The following ATP2A3 variants were observed in gnomAD, a reference collection of about 807,000 sequenced individuals.
The protein encoded by ATP2A3 is ATPase sarcoplasmic/endoplasmic reticulum Ca2+ transporting 3, also known as sarcoplasmic/endoplasmic reticulum calcium ATPase 3.
A neutral mutation model predicts 106.8 loss-of-function variants in ATP2A3; 61 were observed. The observed-to-expected ratio is 0.57, with a 90% CI of 0.46 to 0.71. The LOEUF is 0.71. ATP2A3 is among the 30% of genes least tolerant of loss of function. The probability of loss-of-function intolerance (pLI) is 0.00; values close to 1 mark genes in which losing one functional copy is unlikely to be tolerated. For missense variants in ATP2A3, 1,201 were observed against 1,423.5 expected, an observed-to-expected ratio of 0.84 and a Z score of 2.52; for synonymous variants, 611 against 609.3, an observed-to-expected ratio of 1.00 and a Z score of -0.04.
In ATP2A3 at chr17:3,933,666, G is replaced by T. The variant is rs1165882350; in HGVS notation, c.2610+1526C>A. ...CAGGGGAATCACTTGAACCCGGGAG[G>T]TGGAGGTTGCAGTGAGCCAAGATTG... On this transcript the variant is annotated intron_variant, in intron 17 of 20. Coordinates refer to ENST00000397041, the MANE Select transcript of ATP2A3 (RefSeq NM_005173.4). Among the ~76,000 whole-genome samples the T allele has an allele frequency of 1.3e-5, 2 of 151,082 alleles. 1 individual carries two copies. The highest frequency in any genetic ancestry group is 4.9e-5 in the African/African-American group (2 of 40,660).
At position 3,964,422 on chromosome 17, in the gene ATP2A3, AC is replaced by A. The variant is rs2055328398; in HGVS notation, c.-132del. The A allele has an allele frequency of 3.0e-6, 1 of 331,176 alleles. No individual in the cohort carries two copies. Among genetic ancestry groups the A allele is most frequent in the Admixed American group, 6.0e-5 (1 of 16,614 alleles). 20.5% of individuals were successfully genotyped at this position (331,176 alleles called of 1,614,324 possible). ...GAGGCCATGTCCGTGCTGGGACCTT[AC>A]CCGACGGCAGTGGCGGCGGCGGCCC... On this transcript the variant is annotated 5_prime_UTR_variant, in exon 1 of 21. Transcript: ENST00000397041.
At chr17:3,931,772 T>C (rs975190831) in intron 17 of ATP2A3, among the ~76,000 whole-genome samples, 19 of 152,166 alleles carry the variant, frequency 1.2e-4, no homozygotes, top group Admixed American at 3.3e-4. Context: ...CCGCCCGCCT[T>C]GGCCTCCCAA....
chr17:3,924,891 T>G lies in ATP2A3; in HGVS notation c.*531A>C, dbSNP rs2052621396. 8 of 456,374 alleles carry G rather than the reference T, an allele frequency of 1.8e-5. No homozygotes were observed. Among genetic ancestry groups the G allele is most frequent in the Non-Finnish European group, 3.1e-5 (7 of 227,000 alleles). The allele number at this position is 456,374 out of a possible 1,614,324, so 28.3% of individuals were successfully genotyped here. On this transcript the variant is annotated 3_prime_UTR_variant, in exon 21 of 21. Transcript: ENST00000397041. The surrounding 1 kb of genome is among the most constrained non-coding windows in gnomAD (Gnocchi z 6.4). Reference sequence around the variant, plus strand: ...TGGAGGGGGCTGCCCACCCTCGCTGTACACAGCTGGGCCCAGATGGCCCCT... The same window carrying G: ...TGGAGGGGGCTGCCCACCCTCGCTGGACACAGCTGGGCCCAGATGGCCCCT...
Position 3,953,655 on chromosome 17 carries a change from G to C in ATP2A3, c.136+38C>G, listed in dbSNP as rs757862674. ...AGACAGAGAACGACCCAGGGATGCT[G>C]CCCGCGGCCTAGAGGTCCATCCCGG... On this transcript the variant is annotated intron_variant, in intron 2 of 20. Transcript: ENST00000397041. The surrounding 1 kb of genome is among the most constrained non-coding windows in gnomAD (Gnocchi z 5.1). 2.6e-6 allele frequency: 4 copies of C among 1,558,516 alleles called. No individual in the cohort carries two copies. The highest frequency in any genetic ancestry group is 3.5e-6 in the Non-Finnish European group (4 of 1,150,748).
Position 3,947,014 on chromosome 17 carries a change from G to A in ATP2A3, c.1095+377C>T, listed in dbSNP as rs2054152396. 1.3e-5 allele frequency among the ~76,000 whole-genome samples: 2 copies of A among 152,336 alleles called. No individual in the cohort carries two copies. Among genetic ancestry groups the A allele is most frequent in the East Asian group, 1.9e-4 (1 of 5,188 alleles). ...GTCGACTGCACAGAGTCATGATGGGGCAGGATGGAACCCGGATCCAGGCCC... is the reference window on the plus strand; with the variant it reads ...GTCGACTGCACAGAGTCATGATGGGACAGGATGGAACCCGGATCCAGGCCC... On this transcript the variant is annotated intron_variant, in intron 8 of 20. Transcript: ENST00000397041. The surrounding 1 kb of genome is among the most constrained non-coding windows in gnomAD (Gnocchi z 7.7).
At chr17:3,942,299 T>G (rs565483519) in intron 12 of ATP2A3, among the ~76,000 whole-genome samples, 4 of 152,192 alleles carry the variant, frequency 2.6e-5, no homozygotes, top group Non-Finnish European at 5.9e-5. Flanking sequence ...GGTTTAAACT[T>G]CCCTTGCAGG....
Position 3,953,305 on chromosome 17 carries a change from G to A in ATP2A3, c.219+42C>T. ...CTGCCCAGCCTGGCTCTCCCTCCAG[G>A]GCTACCGACTACCACAGGATGGCTG... On this transcript the variant is annotated intron_variant, in intron 3 of 20. Coordinates refer to ENST00000397041, the MANE Select transcript of ATP2A3 (RefSeq NM_005173.4). The surrounding 1 kb of genome is among the most constrained non-coding windows in gnomAD (Gnocchi z 5.1). 6.2e-7 allele frequency: 1 copy of A among 1,602,400 alleles called. No homozygotes were observed. Among genetic ancestry groups the A allele is most frequent in the Non-Finnish European group, 8.5e-7 (1 of 1,169,778 alleles).
At position 3,950,526 on chromosome 17, in the gene ATP2A3, C is replaced by CT. The variant is rs769432998; in HGVS notation, c.614dup (p.Asn206GlufsTer230). On this transcript the variant is annotated frameshift_variant, in exon 7 of 21. Transcript: ENST00000397041. LOFTEE classifies it high-confidence loss of function. ...TTTGACTTACAGAAAACAGCATGTT[C>CT]TTCTTGTCCTGGTTCACAGCTCTGG... 6.2e-7 allele frequency: 1 copy of CT among 1,614,132 alleles called. No individual in the cohort carries two copies. The highest frequency in any genetic ancestry group is 1.3e-5 in the African/African-American group (1 of 75,046).
chr17:3,936,586 C>T lies in ATP2A3; in HGVS notation c.2322-117G>A. 1 of 1,050,634 alleles carries T rather than the reference C, an allele frequency of 9.5e-7. No homozygotes were observed. Among genetic ancestry groups the T allele is most frequent in the Non-Finnish European group, 1.5e-6 (1 of 688,070 alleles). 65.1% of individuals were successfully genotyped at this position (1,050,634 alleles called of 1,614,324 possible). On this transcript the variant is annotated intron_variant, in intron 15 of 20. Transcript: ENST00000397041. The surrounding 1 kb of genome is among the most constrained non-coding windows in gnomAD (Gnocchi z 5.4). ...ACCCACCCACTGTCTCCACAGCAGC[C>T]CCTCCTCCCTCCGCCAGCTGTGATG...
intron 3 of ATP2A3, among the ~76,000 whole-genome samples, chr17:3,952,241 C>T (rs568886682): frequency 3.8e-4 from 58 of 152,300 alleles, no homozygotes; most frequent in African/African-American, 8.9e-4. Flanking sequence ...TGCACCACCA[C>T]GCCTGGCTAA....
intron 14 of ATP2A3, among the ~76,000 whole-genome samples, chr17:3,939,658 G>C (rs565358077): frequency 1.3e-5 from 2 of 151,132 alleles, no homozygotes; most frequent in Admixed American, 1.3e-4. Flanking sequence ...ATGGTGGTGC[G>C]CGCCTGTGGT....
intron 14 of ATP2A3, among the ~76,000 whole-genome samples, chr17:3,940,032 TTTTTTTTTTTGTTTTTTG>T (rs1192077114): frequency 7.1e-5 from 8 of 113,198 alleles, no homozygotes; most frequent in South Asian, 2.5e-4. Flanking sequence ...GTGTCATATC[TTTTTTTTTTTGTTTTTTG>T]TTTTTTTTTT....
Position 3,936,721 on chromosome 17 carries a change from T to TAC in ATP2A3, c.2322-254_2322-253dup, listed in dbSNP as rs57648128. The TAC allele has an allele frequency of 0.13, 54,432 of 406,034 alleles. 2,108 individuals are homozygous for TAC. Among genetic ancestry groups the TAC allele is most frequent in the Middle Eastern group, 0.17 (226 of 1,338 alleles). 25.2% of individuals were successfully genotyped at this position (406,034 alleles called of 1,614,324 possible). A position where few individuals can be genotyped will look rare whatever the true frequency, so the allele number is the denominator to read the frequency against. ...CTCTTTAGGCCTAGCAGAGGCCAAG[T>TAC]ACACACACACACACACACACACACA... On this transcript the variant is annotated intron_variant, in intron 15 of 20. Coordinates refer to ENST00000397041, the MANE Select transcript of ATP2A3 (RefSeq NM_005173.4). This position sits in a 1 kb window ranked among gnomAD's most constrained non-coding sequence, Gnocchi z 5.4.
rs1347864137 is a variant in ATP2A3, at chr17:3,953,488, G to C, written c.137-59C>G. The C allele has an allele frequency of 5.0e-6, 8 of 1,588,110 alleles. No homozygotes were observed. The highest frequency in any genetic ancestry group is 6.9e-6 in the Non-Finnish European group (8 of 1,157,240). ...CCACCACTGACCCTGCCCACTCAGA[G>C]CTGGGATGGCCCGGGAGACCTCCCG... On this transcript the variant is annotated intron_variant, in intron 2 of 20. Transcript: ENST00000397041. This position sits in a 1 kb window ranked among gnomAD's most constrained non-coding sequence, Gnocchi z 5.1.
chr17:3,939,853 G>T (rs1350464302), intron 14 of ATP2A3, among the ~76,000 whole-genome samples: 1 of 117,250 alleles, frequency 8.5e-6, no homozygotes, highest in Non-Finnish European at 1.8e-5. Context: ...TCTCAAAAAA[G>T]CCCCAAACCA....
chr17:3,942,801 G>T, intron 11 of ATP2A3, 70 bp from the exon 12 acceptor site: 1 of 1,597,092 alleles, frequency 6.3e-7, no homozygotes, highest in East Asian at 2.2e-5. Context: ...CCCACCAACT[G>T]CTTGGCCCCA....
intron 15 of ATP2A3, 36 bp downstream of exon 15, chr17:3,937,380 T>C (rs2053509650): frequency 1.9e-6 from 3 of 1,596,546 alleles, no homozygotes; most frequent in African/African-American, 1.4e-5. Flanking sequence ...ACAGAGCGGA[T>C]TGAGAGGGCT....
Position 3,943,196 on chromosome 17 carries a change from C to T in ATP2A3, c.1419+195G>A, listed in dbSNP as rs538009434. Among the ~76,000 whole-genome samples, 37 of 150,916 alleles carry T rather than the reference C, an allele frequency of 2.5e-4. No homozygotes were observed. In the East Asian group the frequency reaches 3.7e-3, roughly 15 times the overall value. On this transcript the variant is annotated intron_variant, in intron 11 of 20. Transcript: ENST00000397041. The stretch of plus-strand genomic sequence containing the variant: ...TCGAGGCACGAGAATCACTTGAACC[C>T]GGGAGGCAGAGGTTGCAGTGAGCCA...
At chr17:3,935,408 G>T in intron 16 of ATP2A3, 131 bp from the exon 17 acceptor site, 1 of 834,124 alleles carries the variant, frequency 1.2e-6, no homozygotes, top group Admixed American at 2.1e-5. Context: ...GTGGTTTGCA[G>T]GCACCTCCCC....
Sources: gnomAD v4.1 joint callset for allele counts (sites outside exome capture counted in the v4.1 genomes callset) on GRCh38, gnomAD v4.1.1 for gene constraint, Gnocchi (gnomAD v3.1) non-coding constraint, MANE v1.5 for transcripts, NCBI Gene and HGNC (gene_info 2026-07-23, HGNC 2026-07-21) for gene names.